SLC30A4: variants seen among roughly 807,000 people sequenced by gnomAD.
The protein encoded by SLC30A4 is probable proton-coupled zinc antiporter SLC30A4.
In SLC30A4, 20 loss-of-function variants were observed where a neutral mutation model predicts 41.7. The ratio of observed to expected loss-of-function variants is 0.48; its 90% CI spans 0.34 to 0.70. The LOEUF is 0.70. Among genes scored for constraint, SLC30A4 ranks in the 30% least tolerant of loss-of-function variants. The pLI, the probability that SLC30A4 is intolerant of heterozygous loss-of-function variation, is 0.01. For synonymous variants in SLC30A4, 181 were observed against 195.9 expected (o/e 0.92, Z 0.64); for missense variants, 441 against 529.3 (o/e 0.83, Z 1.64).
At position 45,482,425 on chromosome 15, in the gene SLC30A4, AAAAG is replaced by A. The variant is rs1566873138; in HGVS notation, c.*2734_*2737del. The A allele has an allele frequency of 6.6e-6, 1 of 152,128 alleles. No individual in the cohort carries two copies. The highest frequency in any genetic ancestry group is 2.4e-5 in the African/African-American group (1 of 41,420). The allele number at this position is 152,128 out of a possible 1,614,324, so 9.4% of individuals were successfully genotyped here. On this transcript the variant is annotated 3_prime_UTR_variant, in exon 8 of 8. Transcript: ENST00000261867. ...AGTGAGACACCATCTTAAAAAAAAA[AAAAG>A]AATTCTTTTCAATACTCAAATGAAT...
At chr15:45,514,222 G>A (rs751419123) in intron 2 of SLC30A4, among the ~76,000 whole-genome samples, 8 of 151,952 alleles carry the variant, frequency 5.3e-5, no homozygotes, top group Middle Eastern at 3.2e-3. Context: ...GCACATGCCT[G>A]TAATCCCAGC....
intron 3 of SLC30A4, among the ~76,000 whole-genome samples, chr15:45,510,172 T>C (rs1422548096): frequency 1.3e-5 from 2 of 150,564 alleles, no homozygotes; most frequent in African/African-American, 4.9e-5. Context: ...AAACGAGAAA[T>C]AAATTCAAAG....
intron 3 of SLC30A4, among the ~76,000 whole-genome samples, chr15:45,494,686 T>TCAAAACAAAACAAAACAAAACAAAA (rs146741531): frequency 3.3e-5 from 5 of 151,298 alleles, no homozygotes; most frequent in African/African-American, 1.2e-4. Flanking sequence ...AGACTCTGTC[T>TCAAAACAAAACAAAACAAAACAAAA]CAAAACAAAA....
intron 3 of SLC30A4, among the ~76,000 whole-genome samples, chr15:45,508,382 A>G (rs1336933199): frequency 3.3e-5 from 5 of 152,024 alleles, no homozygotes; most frequent in African/African-American, 1.2e-4. Context: ...GTAAGAAGGG[A>G]GGTAGGGGCA....
chr15:45,494,575 C>T (rs1891873983), intron 3 of SLC30A4, among the ~76,000 whole-genome samples: 1 of 152,188 alleles, frequency 6.6e-6, no homozygotes, highest in South Asian at 2.1e-4. Context: ...ATCCCAGCTA[C>T]TCAGGAGGCT....
chr15:45,512,403 C>T (rs1252608814), intron 2 of SLC30A4: 1 of 152,172 alleles, frequency 6.6e-6, no homozygotes, highest in Non-Finnish European at 1.5e-5. Flanking sequence ...CTTGGAACCA[C>T]ACTTCGAGAA....
chr15:45,491,527 G>T (rs1891810011), intron 3 of SLC30A4, among the ~76,000 whole-genome samples: 1 of 152,210 alleles, frequency 6.6e-6, no homozygotes, highest in Non-Finnish European at 1.5e-5. Flanking sequence ...ATGAGTTTGA[G>T]ATCAGCCTAG....
In SLC30A4 at chr15:45,485,043, C is replaced by A; in HGVS notation, c.*120G>T. On this transcript the variant is annotated 3_prime_UTR_variant, in exon 8 of 8. Transcript: ENST00000261867. The stretch of plus-strand genomic sequence containing the variant: ...CAGGCTGGGGCAACTGTTTGAGAGA[C>A]TGATGCTTGATACGGACACAGCTGT... The A allele has an allele frequency of 1.4e-6, 1 of 726,644 alleles. No individual in the cohort carries two copies. Among genetic ancestry groups the A allele is most frequent in the Non-Finnish European group, 2.2e-6 (1 of 444,448 alleles). The allele number at this position is 726,644 out of a possible 1,614,324, so 45.0% of individuals were successfully genotyped here.
chr15:45,513,552 A>T (rs1159447566), intron 2 of SLC30A4: 1 of 152,178 alleles, frequency 6.6e-6, no homozygotes, highest in African/African-American at 2.4e-5. Context: ...GGACAAAAAT[A>T]GTCAAAATCA....
chr15:45,503,385 G>T (rs1394374864), intron 3 of SLC30A4, among the ~76,000 whole-genome samples: 1 of 152,084 alleles, frequency 6.6e-6, no homozygotes, highest in Non-Finnish European at 1.5e-5. Flanking sequence ...TTGGGAGGCT[G>T]AGGCGGGCGG....
chr15:45,506,266 G>T (rs1892154998), intron 3 of SLC30A4, among the ~76,000 whole-genome samples: 1 of 152,080 alleles, frequency 6.6e-6, no homozygotes, highest in Non-Finnish European at 1.5e-5. Flanking sequence ...AACATGTTTT[G>T]CATATTTACA....
intron 3 of SLC30A4, among the ~76,000 whole-genome samples, chr15:45,507,961 G>C (rs545513855): frequency 1.3e-5 from 2 of 152,256 alleles, no homozygotes; most frequent in East Asian, 1.9e-4. Flanking sequence ...AAAAGGAAAT[G>C]CTGGAAGGAT....
chr15:45,521,891 G>T (rs1391898843), intron 2 of SLC30A4, 73 bp downstream of exon 2: 2 of 1,469,398 alleles, frequency 1.4e-6, no homozygotes, highest in Non-Finnish European at 9.3e-7. Flanking sequence ...AAACCTCAAA[G>T]CCTGTGTAAC....
intron 3 of SLC30A4, among the ~76,000 whole-genome samples, chr15:45,507,570 C>T (rs1477350509): frequency 6.6e-6 from 1 of 150,922 alleles, no homozygotes; most frequent in African/African-American, 2.4e-5. Flanking sequence ...TCACTGCAAC[C>T]TCCACCTCCC....
At chr15:45,509,543 C>T (rs1393009139) in intron 3 of SLC30A4, among the ~76,000 whole-genome samples, 2 of 151,974 alleles carry the variant, frequency 1.3e-5, no homozygotes, top group African/African-American at 4.8e-5. Context: ...CGTGAGCCAC[C>T]GTGCCTGGCC....
intron 2 of SLC30A4, among the ~76,000 whole-genome samples, chr15:45,513,209 T>TC (rs1353229546): frequency 3.3e-5 from 5 of 150,604 alleles, no homozygotes; most frequent in African/African-American, 1.2e-4. Context: ...AACTTTTTTT[T>TC]TTTTTTTTTT....
In SLC30A4 at chr15:45,490,888, G is replaced by A; in HGVS notation, c.539-7C>T. ...ATCATAGCTGACAAAACCTCTAGAG[G>A]GAAAAACACATATAACAAATACATT... On this transcript the variant is annotated splice_region_variant and splice_polypyrimidine_tract_variant and intron_variant, in intron 3 of 7. Coordinates refer to ENST00000261867, the MANE Select transcript of SLC30A4 (RefSeq NM_013309.6). 4 of 1,542,256 alleles carry A rather than the reference G, an allele frequency of 2.6e-6. No individual in the cohort carries two copies. The highest frequency in any genetic ancestry group is 1.3e-5 in the South Asian group (1 of 79,246).
At chr15:45,521,160 C>G (rs781564715) in intron 2 of SLC30A4, 2 of 362,056 alleles carry the variant, frequency 5.5e-6, no homozygotes, top group Non-Finnish European at 1.1e-5. Flanking sequence ...TTTTATGTCA[C>G]TTTGTAAACT....
chr15:45,485,327 C>A lies in SLC30A4; in HGVS notation c.1136-10G>T, dbSNP rs1433917060. The A allele has an allele frequency of 1.9e-6, 3 of 1,590,172 alleles. No homozygotes were observed. Among genetic ancestry groups the A allele is most frequent in the South Asian group, 1.1e-5 (1 of 88,538 alleles). On this transcript the variant is annotated splice_polypyrimidine_tract_variant and intron_variant, in intron 7 of 7. Transcript: ENST00000261867. ...GATGAACTTCCAGGAACTGCAATGT[C>A]AAGAAAATATCATTACTATCCATTG...
Sources: gnomAD v4.1 joint callset for allele counts (sites outside exome capture counted in the v4.1 genomes callset) on GRCh38, gnomAD v4.1.1 for gene constraint, MANE v1.5 for transcripts, NCBI Gene and HGNC (gene_info 2026-07-23, HGNC 2026-07-21) for gene names.